The following HERC1 variants were observed in gnomAD, a reference collection of about 807,000 sequenced individuals.
The protein encoded by HERC1 is probable E3 ubiquitin-protein ligase HERC1.
In HERC1, 160 loss-of-function variants were observed where a neutral mutation model predicts 554.3. That is an observed-to-expected ratio of 0.29 (90% CI 0.25 to 0.33). The LOEUF (loss-of-function observed/expected upper bound fraction) is 0.33, where lower values mean the gene tolerates loss of function less well. Ranked by LOEUF, HERC1 falls within the 10% of genes least tolerant of loss-of-function variation. The pLI is 1.00. For synonymous variants in HERC1, 2,175 were observed against 2,131.7 expected, an observed-to-expected ratio of 1.02 and a Z score of -0.56; for missense variants, 4,919 against 5,918.5, an observed-to-expected ratio of 0.83 and a Z score of 5.54.
At chr15:63,622,275 T>C (rs924085973) in intron 74 of HERC1, among the ~76,000 whole-genome samples, 12 of 151,766 alleles carry the variant, frequency 7.9e-5, no homozygotes, top group Non-Finnish European at 1.5e-4. Flanking sequence ...CTCTATATTA[T>C]CATTGATTTG....
intron 1 of HERC1, among the ~76,000 whole-genome samples, chr15:63,814,328 A>G (rs1452783574): frequency 2.0e-5 from 3 of 151,818 alleles, no homozygotes; most frequent in African/African-American, 4.8e-5. Context: ...TTAAAATGCA[A>G]CTTTTCTTTG....
At chr15:63,788,282 T>A (rs1257966173) in intron 1 of HERC1, among the ~76,000 whole-genome samples, 2 of 152,162 alleles carry the variant, frequency 1.3e-5, no homozygotes, top group Non-Finnish European at 2.9e-5. Flanking sequence ...CAATGAAGGA[T>A]GCATTTCAAA....
At chr15:63,823,852 T>C (rs1384921753) in intron 1 of HERC1, among the ~76,000 whole-genome samples, 2 of 152,100 alleles carry the variant, frequency 1.3e-5, no homozygotes, top group African/African-American at 4.8e-5. Context: ...AAAGAACAAT[T>C]AACAAAATGA....
Position 63,720,103 on chromosome 15 carries a change from C to CTTTTTTTTTTT in HERC1, c.3743-1217_3743-1207dup, listed in dbSNP as rs573648232. 5.6e-3 allele frequency among the ~76,000 whole-genome samples: 399 copies of CTTTTTTTTTTT among 71,570 alleles called. 83 individuals are homozygous for CTTTTTTTTTTT. Among genetic ancestry groups the CTTTTTTTTTTT allele is most frequent in the African/African-American group, 0.018 (298 of 16,596 alleles). The allele number at this position is 71,570 out of a possible 152,430, so 47.0% of individuals were successfully genotyped here. ...GGACTAGTCAGGTGCTTTTTCTTCC[C>CTTTTTTTTTTT]TTTTTTTTTTTTTTTAAGAGACAGG... On this transcript the variant is annotated intron_variant, in intron 19 of 77. Transcript: ENST00000443617.
intron 34 of HERC1, among the ~76,000 whole-genome samples, chr15:63,684,795 G>A (rs758475591): frequency 2.0e-5 from 3 of 152,160 alleles, no homozygotes; most frequent in Non-Finnish European, 4.4e-5. Flanking sequence ...ATCACCTGAG[G>A]TCAGGAGTTC....
intron 2 of HERC1, among the ~76,000 whole-genome samples, chr15:63,769,545 T>G (rs1288920735): frequency 6.6e-6 from 1 of 151,694 alleles, no homozygotes; most frequent in Non-Finnish European, 1.5e-5. Flanking sequence ...GGTCCAAAAA[T>G]AAAGTCGAAA....
chr15:63,720,206 C>G (rs961828528), intron 19 of HERC1, among the ~76,000 whole-genome samples: 29 of 147,524 alleles, frequency 2.0e-4, no homozygotes, highest in African/African-American at 7.0e-4. Flanking sequence ...TGGGCTCAAG[C>G]GATCCTCCTG....
intron 34 of HERC1, among the ~76,000 whole-genome samples, chr15:63,681,753 T>G (rs906153745): frequency 2.4e-4 from 36 of 152,294 alleles, no homozygotes; most frequent in Admixed American, 1.5e-3. Context: ...AGTAAAAACC[T>G]TGGGTTCTGA....
intron 2 of HERC1, among the ~76,000 whole-genome samples, chr15:63,773,792 C>G (rs1003617450): frequency 6.6e-6 from 1 of 152,036 alleles, no homozygotes; most frequent in African/African-American, 2.4e-5. Context: ...GATCCACCCT[C>G]CTGAGCTTCC....
intron 34 of HERC1, among the ~76,000 whole-genome samples, chr15:63,685,054 G>T (rs140716374): frequency 6.6e-6 from 1 of 152,264 alleles, no homozygotes; most frequent in East Asian, 1.9e-4. Context: ...CTTGAAAGCT[G>T]CTGTGAGCAC....
chr15:63,684,977 C>G (rs949537585), intron 34 of HERC1, among the ~76,000 whole-genome samples: 1 of 152,226 alleles, frequency 6.6e-6, no homozygotes, highest in Non-Finnish European at 1.5e-5. Flanking sequence ...CCACTGCACT[C>G]CAGCCTGGGT....
intron 1 of HERC1, among the ~76,000 whole-genome samples, chr15:63,789,097 T>G (rs2076548033): frequency 4.8e-5 from 6 of 125,264 alleles, no homozygotes; most frequent in South Asian, 5.5e-4. Context: ...TTTTTTTTTT[T>G]TTTTTTTTTT....
At chr15:63,643,253 A>T in intron 58 of HERC1, 151 bp downstream of exon 58, 1 of 864,982 alleles carries the variant, frequency 1.2e-6, no homozygotes, top group East Asian at 2.7e-5. Flanking sequence ...TCAGTAAGAA[A>T]AATGTAAGGG....
At chr15:63,757,586 C>T (rs2075469687) in intron 4 of HERC1, among the ~76,000 whole-genome samples, 1 of 151,506 alleles carries the variant, frequency 6.6e-6, no homozygotes. Flanking sequence ...TTTTACTTGC[C>T]ATTTGTGGTG....
At position 63,615,858 on chromosome 15, in the gene HERC1, A is replaced by G; in HGVS notation, c.14004T>C (p.Pro4668=). 6.2e-7 allele frequency: 1 copy of G among 1,607,402 alleles called. No homozygotes were observed. Reference sequence around the variant, plus strand: ...ATGTGAGTGGGATACTATTTCCACCAGGGATTATAGGAACCATTTTGCCAT... The same window carrying G: ...ATGTGAGTGGGATACTATTTCCACCGGGGATTATAGGAACCATTTTGCCAT... ...SADGKMVPII[P]GGNSIPLTFS... Residue 4668 remains proline, a synonymous_variant, in exon 76 of 78, where the codon CCT becomes CCC. Coordinates refer to ENST00000443617, the MANE Select transcript of HERC1 (RefSeq NM_003922.4).
chr15:63,754,762 A>C lies in HERC1; in HGVS notation c.1631-114T>G, dbSNP rs1038568984. The C allele has an allele frequency of 1.9e-5, 19 of 986,788 alleles. No homozygotes were observed. The African/African-American group carries it at 3.1e-4, about 16-fold the overall frequency. The allele number at this position is 986,788 out of a possible 1,614,324, so 61.1% of individuals were successfully genotyped here. The stretch of plus-strand genomic sequence containing the variant: ...TTTAAAATAGAATTGAGATTTTTTT[A>C]ATGCAATGCAATATGAAAAACACAA... On this transcript the variant is annotated intron_variant, in intron 6 of 77. Transcript: ENST00000443617.
chr15:63,819,260 A>G (rs1446930038), intron 1 of HERC1, among the ~76,000 whole-genome samples: 1 of 152,210 alleles, frequency 6.6e-6, no homozygotes, highest in Non-Finnish European at 1.5e-5. Context: ...GAGATTATTC[A>G]GGGGCTCATT....
rs2068505675 is a variant in HERC1 at position 63,630,613 on chromosome 15, C to T, written c.12819G>A (p.Glu4273=). The T allele has an allele frequency of 6.2e-7, 1 of 1,612,754 alleles. No individual in the cohort carries two copies. The highest frequency in any genetic ancestry group is 8.5e-7 in the Non-Finnish European group (1 of 1,179,450). ...GTCGATTGTGATTGCGAGCACGCCC[C>T]TCTGGCAAGCCTATCAGGCGATCTG... is the stretch of plus-strand genomic sequence containing the variant. ...FGQDRLIGLP[E]GRARNHNRPQ... Residue 4273 remains glutamate (E), a synonymous_variant, in exon 69 of 78, where the codon GAG becomes GAA. Transcript: ENST00000443617.
chr15:63,766,014 C>T (rs990716852), intron 2 of HERC1, among the ~76,000 whole-genome samples: 1 of 152,042 alleles, frequency 6.6e-6, no homozygotes, highest in Non-Finnish European at 1.5e-5. Flanking sequence ...ACAAAATAAA[C>T]CTAAATTGAT....
Sources: allele counts gnomAD v4.1 joint callset (sites outside exome capture counted in the v4.1 genomes callset), GRCh38; gene constraint gnomAD v4.1.1; transcripts MANE v1.5; gene names NCBI Gene and HGNC (gene_info 2026-07-23, HGNC 2026-07-21).